Variants in BMERB1 observed in about 807,000 individuals in gnomAD.
BMERB1 encodes the protein bMERB domain-containing protein 1.
BMERB1 carries 12 observed loss-of-function variants against 23.6 expected under a neutral mutation model. The ratio of observed to expected loss-of-function variants is 0.51; its 90% confidence interval spans 0.33 to 0.82. The LOEUF is 0.82. Among genes scored for constraint, BMERB1 ranks in the 40% least tolerant of loss-of-function variants. The pLI is 0.03. For missense variants in BMERB1, 247 were observed against 255.4 expected, an observed-to-expected ratio of 0.97 and a Z score of 0.22; for synonymous variants, 122 against 96.6, an observed-to-expected ratio of 1.26 and a Z score of -1.54.
chr16:15,523,261 C>A (rs1374582313), intron 2 of BMERB1, among the ~76,000 whole-genome samples: 1 of 152,052 alleles, frequency 6.6e-6, no homozygotes, highest in Non-Finnish European at 1.5e-5. Flanking sequence ...GTCTTCTTTG[C>A]CGATCTGCAG....
intron 1 of BMERB1, among the ~76,000 whole-genome samples, chr16:15,497,113 G>C (rs572417165): frequency 1.4e-4 from 21 of 152,300 alleles, no homozygotes; most frequent in South Asian, 8.3e-4. Context: ...CAGGGGATTC[G>C]TCTAGGTCCT....
At chr16:15,524,029 G>T (rs1168745193) in intron 2 of BMERB1, among the ~76,000 whole-genome samples, 3 of 152,056 alleles carry the variant, frequency 2.0e-5, no homozygotes, top group Admixed American at 6.6e-5. Flanking sequence ...TTATAAACCT[G>T]CATTTTTTCC....
intron 1 of BMERB1, among the ~76,000 whole-genome samples, chr16:15,499,257 G>A (rs532081745): frequency 1.3e-5 from 2 of 152,142 alleles, no homozygotes; most frequent in Middle Eastern, 3.4e-3. Flanking sequence ...AGTTAGTCAG[G>A]CGAAGTGGCA....
intron 2 of BMERB1, among the ~76,000 whole-genome samples, chr16:15,535,092 G>A (rs1010370484): frequency 1.3e-5 from 2 of 152,178 alleles, no homozygotes; most frequent in Non-Finnish European, 2.9e-5. Flanking sequence ...GCTCACACCT[G>A]TAATCCCTGC....
intron 1 of BMERB1, among the ~76,000 whole-genome samples, chr16:15,494,877 CTTTTTTTT>C (rs754135430): frequency 7.4e-5 from 7 of 95,162 alleles, no homozygotes; most frequent in South Asian, 4.2e-4. Context: ...TTTTTTTTAT[CTTTTTTTT>C]TTTTTTTTTT....
At chr16:15,494,146 T>G (rs1241317064) in intron 1 of BMERB1, among the ~76,000 whole-genome samples, 1 of 152,178 alleles carries the variant, frequency 6.6e-6, no homozygotes, top group Non-Finnish European at 1.5e-5. Context: ...AAATGGACCT[T>G]GAGTAACAGA....
In BMERB1 at chr16:15,586,821, A is replaced by G. The variant is rs561734612; in HGVS notation, c.607A>G (p.Ile203Val). ...TTGTTGCGGGGCCACCCAGTGCAAC[A>G]TCATGTAGCCCCCACGTGGGGTGCC... ...KDCCGATQCN[I>V]M The change falls in exon 6 of 6, where the codon ATC (isoleucine) becomes GTC (valine). Residue 203 changes from isoleucine to valine, a missense_variant. Transcript: ENST00000300006. 2.3e-5 allele frequency: 37 copies of G among 1,604,670 alleles called. No homozygotes were observed. In the South Asian group the frequency reaches 3.7e-4, roughly 16 times the overall value.
intron 2 of BMERB1, among the ~76,000 whole-genome samples, chr16:15,529,322 G>A (rs951641672): frequency 2.0e-5 from 3 of 152,104 alleles, no homozygotes; most frequent in African/African-American, 7.2e-5. Context: ...CACCGCGCCC[G>A]GCGGTGTTTG....
Position 15,542,465 on chromosome 16 carries a change from A to C in BMERB1, c.231-25518A>C, listed in dbSNP as rs139885306. Among the ~76,000 whole-genome samples, 278 of 152,120 alleles carry C rather than the reference A, an allele frequency of 1.8e-3. 1 individual carries two copies. Among genetic ancestry groups the C allele is most frequent in the Middle Eastern group, 0.017 (5 of 294 alleles). On this transcript the variant is annotated intron_variant, in intron 2 of 5. Transcript: ENST00000300006. ...ACTCAGCCTGAGTGCCCTCATTAGC[A>C]TACACTCAGATGTAGTACAATGGGG...
At chr16:15,575,230 C>T (rs1427799231) in intron 3 of BMERB1, among the ~76,000 whole-genome samples, 4 of 152,202 alleles carry the variant, frequency 2.6e-5, no homozygotes. Context: ...CTTCCTTTAT[C>T]TGACGTCTAT....
chr16:15,479,934 G>A (rs2051304965), intron 1 of BMERB1, among the ~76,000 whole-genome samples: 1 of 150,208 alleles, frequency 6.7e-6, no homozygotes, highest in Admixed American at 6.7e-5. Flanking sequence ...TTGAGCAACA[G>A]AATGAGAGCC....
At chr16:15,539,010 G>A (rs907242640) in intron 2 of BMERB1, among the ~76,000 whole-genome samples, 7 of 152,140 alleles carry the variant, frequency 4.6e-5, no homozygotes, top group African/African-American at 1.7e-4. Flanking sequence ...TGGGGTGGGG[G>A]CATGGTTTTG....
intron 4 of BMERB1, among the ~76,000 whole-genome samples, chr16:15,581,908 A>G (rs1385145409): frequency 2.0e-5 from 3 of 152,180 alleles, no homozygotes; most frequent in Non-Finnish European, 4.4e-5. Flanking sequence ...TTGTTTCCTT[A>G]CACCAGAGCA....
At chr16:15,489,296 T>A (rs569929801) in intron 1 of BMERB1, among the ~76,000 whole-genome samples, 6 of 152,134 alleles carry the variant, frequency 3.9e-5, no homozygotes. Flanking sequence ...CAAATGTCCA[T>A]TGCACATGAG....
At chr16:15,555,215 A>G (rs2030219337) in intron 2 of BMERB1, among the ~76,000 whole-genome samples, 1 of 152,080 alleles carries the variant, frequency 6.6e-6, no homozygotes, top group Non-Finnish European at 1.5e-5. Context: ...AGCTGGAACC[A>G]CAGGTACACA....
chr16:15,507,398 G>A (rs1180053239), intron 1 of BMERB1, among the ~76,000 whole-genome samples: 2 of 152,180 alleles, frequency 1.3e-5, no homozygotes, highest in South Asian at 2.1e-4. Flanking sequence ...TCTCCCTGGG[G>A]TGGCATTTGG....
intron 2 of BMERB1, among the ~76,000 whole-genome samples, chr16:15,531,998 T>C (rs60025745): frequency 0.047 from 7,120 of 152,228 alleles, 533 homozygotes; most frequent in African/African-American, 0.15. Context: ...ACAACCAGAT[T>C]CCCGAGCACC....
At chr16:15,579,893 C>A (rs998227006) in intron 3 of BMERB1, among the ~76,000 whole-genome samples, 1 of 152,188 alleles carries the variant, frequency 6.6e-6, no homozygotes, top group South Asian at 2.1e-4. Flanking sequence ...AGGCCAAGCA[C>A]TCCACTAAGC....
chr16:15,545,888 A>G (rs2029895926), intron 2 of BMERB1, among the ~76,000 whole-genome samples: 1 of 152,158 alleles, frequency 6.6e-6, no homozygotes, highest in Admixed American at 6.5e-5. Flanking sequence ...GGAGGGAGAC[A>G]CAACCCCACC....
Sources: gnomAD v4.1 joint callset for allele counts (sites outside exome capture counted in the v4.1 genomes callset) on GRCh38, gnomAD v4.1.1 for gene constraint, MANE v1.5 for transcripts, NCBI Gene and HGNC (gene_info 2026-07-23, HGNC 2026-07-21) for gene names.